Variants in EML6 observed in about 807,000 individuals in gnomAD.
The protein encoded by EML6 is echinoderm microtubule-associated protein-like 6.
A neutral mutation model predicts 240.1 loss-of-function variants in EML6; 154 were observed. The observed-to-expected ratio is 0.64, with a 90% CI of 0.56 to 0.73. EML6 has a LOEUF of 0.73. Ranked by LOEUF, EML6 falls within the 30% of genes least tolerant of loss-of-function variation. EML6 has a pLI of 0.00. For missense variants in EML6, 2,964 were observed against 2,474.6 expected, an observed-to-expected ratio of 1.20 and a Z score of -4.20; for synonymous variants, 1,148 against 899.0, an observed-to-expected ratio of 1.28 and a Z score of -4.95.
rs1670221347 is a variant in EML6 at position 54,853,760 on chromosome 2, T to C, written c.1562T>C (p.Ile521Thr). The change falls in exon 11 of 42, where the codon ATC becomes ACC. Residue 521 changes from isoleucine (I) to threonine (T), a missense_variant. Ile to Thr is a moderately conservative substitution (Grantham distance 89). Transcript: ENST00000356458. Reference protein sequence around the residue: ...IWPKYTEVTDINSVDANYNSS... With the variant: ...IWPKYTEVTDTNSVDANYNSS... ...CCCAAATACACTGAGGTTACTGACA[T>C]CAACTCAGTGGATGCGAATTACAAC... is the stretch of plus-strand genomic sequence containing the variant. The C allele has an allele frequency of 6.4e-7, 1 of 1,551,666 alleles. No individual in the cohort carries two copies. Among genetic ancestry groups the C allele is most frequent in the Non-Finnish European group, 8.7e-7 (1 of 1,146,958 alleles).
chr2:54,782,982 A>C (rs1056913105), intron 2 of EML6, among the ~76,000 whole-genome samples: 8 of 152,266 alleles, frequency 5.3e-5, no homozygotes, highest in African/African-American at 1.9e-4. Flanking sequence ...AATATATAGC[A>C]AGAGCCCAGT....
At chr2:54,874,518 G>A (rs554033843) in intron 16 of EML6, among the ~76,000 whole-genome samples, 5 of 152,164 alleles carry the variant, frequency 3.3e-5, no homozygotes, top group Non-Finnish European at 7.3e-5. Flanking sequence ...TTCAGCAAAT[G>A]TGTTGTTTTT....
rs556180071 is a variant in EML6, at chr2:54,825,723, C to T, written c.526-1843C>T. Reference sequence around the variant, plus strand: ...CCAAGGCATCCCTCTATTCCTTAACCCCCTGCCACGCACACACATAGGACA... The same window carrying T: ...CCAAGGCATCCCTCTATTCCTTAACTCCCTGCCACGCACACACATAGGACA... On this transcript the variant is annotated intron_variant, in intron 5 of 41. Coordinates refer to ENST00000356458, the MANE Select transcript of EML6 (RefSeq NM_001039753.4). 5.3e-5 allele frequency among the ~76,000 whole-genome samples: 8 copies of T among 152,260 alleles called. No individual in the cohort carries two copies. In the East Asian group the frequency reaches 1.5e-3, roughly 29 times the overall value.
rs563150249 is a variant in EML6 at position 54,914,788 on chromosome 2, T to C, written c.3499-1971T>C. ...GGAAAATCTTTTTCAAAGAAGCAAT[T>C]TTTTTTTTTAAGAAACAATCATGGT... is the stretch of plus-strand genomic sequence containing the variant. On this transcript the variant is annotated intron_variant, in intron 25 of 41. Transcript: ENST00000356458. Among the ~76,000 whole-genome samples, 122 of 107,356 alleles carry C rather than the reference T, an allele frequency of 1.1e-3. 2 individuals are homozygous for C. The highest frequency in any genetic ancestry group is 3.5e-3 in the African/African-American group (120 of 34,356). The allele number at this position is 107,356 out of a possible 152,430, so 70.4% of individuals were successfully genotyped here. A position where few individuals can be genotyped will look rare whatever the true frequency, so the allele number is the denominator to read the frequency against.
intron 19 of EML6, among the ~76,000 whole-genome samples, chr2:54,892,887 C>G (rs1295696153): frequency 6.6e-6 from 1 of 152,162 alleles, no homozygotes. Context: ...TCCACACATG[C>G]TCTTCCTGGC....
At chr2:54,906,489 A>G (rs990157785) in intron 24 of EML6, among the ~76,000 whole-genome samples, 2 of 152,182 alleles carry the variant, frequency 1.3e-5, no homozygotes, top group African/African-American at 2.4e-5. Flanking sequence ...ATCTTGCCCA[A>G]GGCCAGCCTC....
chr2:54,863,379 G>T (rs1045322775), intron 12 of EML6, among the ~76,000 whole-genome samples: 1 of 152,148 alleles, frequency 6.6e-6, no homozygotes. Flanking sequence ...AATTAACTGG[G>T]CATGGTGGTA....
intron 7 of EML6, among the ~76,000 whole-genome samples, chr2:54,835,163 C>T (rs1669075712): frequency 6.6e-6 from 1 of 152,230 alleles, no homozygotes; most frequent in Non-Finnish European, 1.5e-5. Context: ...AGAATTGCAA[C>T]TCATTCTGCC....
intron 2 of EML6, among the ~76,000 whole-genome samples, chr2:54,755,286 G>A (rs1684350502): frequency 6.6e-6 from 1 of 152,156 alleles, no homozygotes; most frequent in South Asian, 2.1e-4. Context: ...TGAACTCTGA[G>A]AATATAACCT....
At chr2:54,765,383 C>G (rs566208745) in intron 2 of EML6, among the ~76,000 whole-genome samples, 4 of 152,270 alleles carry the variant, frequency 2.6e-5, no homozygotes, top group African/African-American at 9.6e-5. Flanking sequence ...TATATCTCCT[C>G]TTTTGAACTG....
At chr2:54,909,010 A>T (rs1403417068) in intron 24 of EML6, among the ~76,000 whole-genome samples, 1 of 152,252 alleles carries the variant, frequency 6.6e-6, no homozygotes, top group Non-Finnish European at 1.5e-5. Flanking sequence ...TTTTGCAATC[A>T]TAAATTACTT....
Position 54,926,387 on chromosome 2 carries a change from C to G in EML6, c.3676-1926C>G, listed in dbSNP as rs375230458. ...AAAGTGCTGGGATTACAGGCATGAA[C>G]CAGTGCACCTGGCCATATTCCAGGT... is the stretch of plus-strand genomic sequence containing the variant. On this transcript the variant is annotated intron_variant, in intron 26 of 41. Coordinates refer to ENST00000356458, the MANE Select transcript of EML6 (RefSeq NM_001039753.4). Among the ~76,000 whole-genome samples the G allele has an allele frequency of 1.6e-3, 244 of 152,366 alleles. 1 individual carries two copies. Among genetic ancestry groups the G allele is most frequent in the African/African-American group, 5.5e-3 (228 of 41,586 alleles).
intron 2 of EML6, among the ~76,000 whole-genome samples, chr2:54,803,357 C>T (rs948154482): frequency 1.3e-5 from 2 of 152,148 alleles, no homozygotes; most frequent in Non-Finnish European, 2.9e-5. Flanking sequence ...TATTTGTCAG[C>T]TAGAGGAGTC....
intron 2 of EML6, among the ~76,000 whole-genome samples, chr2:54,789,441 G>T (rs1304943008): frequency 2.0e-5 from 3 of 146,740 alleles, no homozygotes; most frequent in Non-Finnish European, 4.5e-5. Flanking sequence ...GTGAACCCGG[G>T]AGGCGGAGCT....
At position 54,869,206 on chromosome 2, in the gene EML6, A is replaced by C. The variant is rs747052101; in HGVS notation, c.2077A>C (p.Asn693His). The C allele has an allele frequency of 6.4e-7, 1 of 1,551,218 alleles. No homozygotes were observed. The highest frequency in any genetic ancestry group is 1.2e-5 in the South Asian group (1 of 84,030). The change falls in exon 15 of 42, where the codon AAT becomes CAT. Residue 693 changes from asparagine to histidine, a missense_variant. Asn to His is a moderately conservative substitution (Grantham distance 68). Coordinates refer to ENST00000356458, the MANE Select transcript of EML6 (RefSeq NM_001039753.4). ...TTATAGAGGCTACGACTGTAGAAAC[A>C]ATCTGTTCTACACACAAGCTGGAGA... ...HGYRGYDCRNNLFYTQAGEVV... is the reference protein window; with the variant it reads ...HGYRGYDCRNHLFYTQAGEVV...
At chr2:54,908,537 A>G (rs1673469015) in intron 24 of EML6, among the ~76,000 whole-genome samples, 1 of 152,204 alleles carries the variant, frequency 6.6e-6, no homozygotes, top group Non-Finnish European at 1.5e-5. Context: ...CAAGGAACTG[A>G]GTTTAGCAAT....
chr2:54,847,982 G>T (rs1313645835), intron 9 of EML6, among the ~76,000 whole-genome samples: 1 of 152,188 alleles, frequency 6.6e-6, no homozygotes, highest in Non-Finnish European at 1.5e-5. Flanking sequence ...CATTGTGTAT[G>T]AACCTTTCTA....
intron 2 of EML6, among the ~76,000 whole-genome samples, chr2:54,733,100 C>G (rs1683243805): frequency 6.6e-6 from 1 of 152,216 alleles, no homozygotes; most frequent in African/African-American, 2.4e-5. Flanking sequence ...GGATTGTCCA[C>G]TGGTTTGCTG....
Position 54,933,859 on chromosome 2 carries a change from G to T in EML6, c.4004+5108G>T, listed in dbSNP as rs147292455. ...GCCAGTTGCCACATCCAGGATCTGA[G>T]AGTACTATGAAATTTTCTCATCCAG... On this transcript the variant is annotated intron_variant, in intron 28 of 41. Coordinates refer to ENST00000356458, the MANE Select transcript of EML6 (RefSeq NM_001039753.4). Among the ~76,000 whole-genome samples the T allele has an allele frequency of 5.2e-4, 79 of 152,306 alleles. 1 individual carries two copies. Among genetic ancestry groups the T allele is most frequent in the Non-Finnish European group, 4.6e-4 (31 of 68,030 alleles).
Sources: gnomAD v4.1 joint callset for allele counts (sites outside exome capture counted in the v4.1 genomes callset) on GRCh38, gnomAD v4.1.1 for gene constraint, MANE v1.5 for transcripts, NCBI Gene and HGNC (gene_info 2026-07-23, HGNC 2026-07-21) for gene names.